Variants in PPP2R2B observed in about 807,000 individuals in gnomAD.
The protein encoded by PPP2R2B is protein phosphatase 2 regulatory subunit Bbeta.
In PPP2R2B, 5 loss-of-function variants were observed where a neutral mutation model predicts 46.0. The observed-to-expected ratio is 0.11, with a 90% CI of 0.06 to 0.23. The LOEUF (loss-of-function observed/expected upper bound fraction) is 0.23, where lower values mean the gene tolerates loss of function less well. Among genes scored for constraint, PPP2R2B ranks in the 10% least tolerant of loss-of-function variants. The pLI, the probability that PPP2R2B is intolerant of heterozygous loss-of-function variation, is 1.00. For missense variants in PPP2R2B, 367 were observed against 575.0 expected, an observed-to-expected ratio of 0.64 and a Z score of 3.70; for synonymous variants, 215 against 206.7, an observed-to-expected ratio of 1.04 and a Z score of -0.34.
At chr5:146,776,297 C>G (rs1432191427) in intron 2 of PPP2R2B, among the ~76,000 whole-genome samples, 1 of 152,040 alleles carries the variant, frequency 6.6e-6, no homozygotes, top group Non-Finnish European at 1.5e-5. Flanking sequence ...ACAGGGATAA[C>G]AACGGTTTTA....
intron 2 of PPP2R2B, among the ~76,000 whole-genome samples, chr5:146,817,143 T>C (rs1208871298): frequency 6.6e-6 from 1 of 152,168 alleles, no homozygotes; most frequent in Admixed American, 6.5e-5. Flanking sequence ...TGTTGCTACA[T>C]TTGGCCCATC....
chr5:146,874,916 A>AC (rs1469449558), intron 2 of PPP2R2B, among the ~76,000 whole-genome samples: 1 of 152,156 alleles, frequency 6.6e-6, no homozygotes, highest in Non-Finnish European at 1.5e-5. Flanking sequence ...CCATACACAC[A>AC]CTTCAAATTT....
chr5:146,909,320 T>C (rs871587), intron 1 of PPP2R2B, among the ~76,000 whole-genome samples: 2,843 of 152,318 alleles, frequency 0.019, 85 homozygotes, highest in East Asian at 0.068. Context: ...GTTCATTTGC[T>C]TCTGGGATAT....
At chr5:146,947,190 T>C (rs1173411497) in intron 1 of PPP2R2B, among the ~76,000 whole-genome samples, 4 of 152,172 alleles carry the variant, frequency 2.6e-5, no homozygotes, top group Non-Finnish European at 5.9e-5. Flanking sequence ...GAACTTCAAC[T>C]TCAGTGGATA....
At chr5:146,806,898 C>T (rs1757212394) in intron 2 of PPP2R2B, among the ~76,000 whole-genome samples, 1 of 152,186 alleles carries the variant, frequency 6.6e-6, no homozygotes, top group Non-Finnish European at 1.5e-5. Context: ...AATAGGGGAC[C>T]TTAGTTTTAG....
chr5:147,068,200 A>G (rs968246560), intron 2 of PPP2R2B, among the ~76,000 whole-genome samples: 1 of 152,180 alleles, frequency 6.6e-6, no homozygotes, highest in African/African-American at 2.4e-5. Flanking sequence ...ACTCTGTGTC[A>G]AGCGCCGTGC....
intron 1 of PPP2R2B, among the ~76,000 whole-genome samples, chr5:147,039,299 A>G (rs1288720854): frequency 1.3e-5 from 2 of 152,046 alleles, no homozygotes; most frequent in Non-Finnish European, 2.9e-5. Flanking sequence ...CCCCATGGCT[A>G]TTTTCCCCTA....
upstream of PPP2R2B, among the ~76,000 whole-genome samples, chr5:146,879,543 A>C (rs1037468444): frequency 6.6e-6 from 1 of 152,198 alleles, no homozygotes; most frequent in Non-Finnish European, 1.5e-5. Context: ...CAGAAACATA[A>C]GCATAAGAGC....
intron 1 of PPP2R2B, among the ~76,000 whole-genome samples, chr5:146,916,569 C>A (rs1473007996): frequency 6.6e-6 from 1 of 152,048 alleles, no homozygotes; most frequent in Non-Finnish European, 1.5e-5. Context: ...GTATTCCAAG[C>A]CAGGTTTTTT....
intron 1 of PPP2R2B, among the ~76,000 whole-genome samples, chr5:146,926,095 T>C (rs1763773608): frequency 1.3e-5 from 2 of 152,312 alleles, no homozygotes; most frequent in South Asian, 4.1e-4. Context: ...GAAATATTTA[T>C]AATAGCTGCC....
chr5:146,950,427 T>C (rs1024174461), intron 1 of PPP2R2B, among the ~76,000 whole-genome samples: 1 of 151,952 alleles, frequency 6.6e-6, no homozygotes, highest in African/African-American at 2.4e-5. Flanking sequence ...TATCCAAAAT[T>C]ATGTCACATT....
At chr5:146,681,949 G>A (rs1211002694) in intron 5 of PPP2R2B, among the ~76,000 whole-genome samples, 1 of 152,172 alleles carries the variant, frequency 6.6e-6, no homozygotes, top group African/African-American at 2.4e-5. Flanking sequence ...TGACACTAGT[G>A]GACGTCTCAG....
At chr5:146,746,451 G>A (rs1393081716) in intron 2 of PPP2R2B, among the ~76,000 whole-genome samples, 3 of 152,134 alleles carry the variant, frequency 2.0e-5, no homozygotes, top group Admixed American at 2.0e-4. Context: ...AGAATCAGAG[G>A]CCAGAAAGTT....
Position 146,642,394 on chromosome 5 carries a change from C to A in PPP2R2B, c.626-3979G>T, listed in dbSNP as rs115373873. On this transcript the variant is annotated intron_variant, in intron 6 of 9. Transcript: ENST00000394411. The stretch of plus-strand genomic sequence containing the variant: ...GGTAGCATGGGGGCCATTCAAACAT[C>A]ATTTCCTAATCCCAAGTTTAGAAAA... 4.3e-3 allele frequency among the ~76,000 whole-genome samples: 661 copies of A among 152,310 alleles called. 6 individuals are homozygous for A. Among genetic ancestry groups the A allele is most frequent in the African/African-American group, 0.015 (636 of 41,566 alleles).
At chr5:147,007,295 G>A (rs1754484422) in intron 1 of PPP2R2B, among the ~76,000 whole-genome samples, 2 of 152,118 alleles carry the variant, frequency 1.3e-5, no homozygotes. Flanking sequence ...GGGATTGAGA[G>A]GTGAAGCCAG....
chr5:146,640,827 G>T (rs1312723807), intron 6 of PPP2R2B, among the ~76,000 whole-genome samples: 4 of 152,078 alleles, frequency 2.6e-5, no homozygotes, highest in East Asian at 1.9e-4. Flanking sequence ...CACCATCAAG[G>T]ATGCCAGTGG....
chr5:146,944,360 A>G (rs1164680962), intron 1 of PPP2R2B, among the ~76,000 whole-genome samples: 1 of 152,172 alleles, frequency 6.6e-6, no homozygotes, highest in Non-Finnish European at 1.5e-5. Flanking sequence ...AGAGAGAAAG[A>G]AAGAAAAGGT....
chr5:147,077,543 A>G (rs529789074), intron 2 of PPP2R2B, among the ~76,000 whole-genome samples: 5 of 152,316 alleles, frequency 3.3e-5, no homozygotes, highest in African/African-American at 4.8e-5. Context: ...GATTATGCCA[A>G]TTAAACCCCT....
intron 1 of PPP2R2B, among the ~76,000 whole-genome samples, chr5:146,970,096 A>G (rs1752597773): frequency 6.6e-6 from 1 of 152,044 alleles, no homozygotes; most frequent in Admixed American, 6.6e-5. Context: ...ACATCCTCCC[A>G]CTGTTTTACT....
Sources: allele counts gnomAD v4.1 joint callset (sites outside exome capture counted in the v4.1 genomes callset), GRCh38; gene constraint gnomAD v4.1.1; transcripts MANE v1.5; gene names NCBI Gene and HGNC (gene_info 2026-07-23, HGNC 2026-07-21).